PPFIA1: variants seen among roughly 807,000 people sequenced by gnomAD.
The protein encoded by PPFIA1 is PPFI scaffold protein A1.
Under a neutral mutation model 149.9 loss-of-function variants are expected in PPFIA1, and 25 were observed. The ratio of observed to expected loss-of-function variants is 0.17; its 90% CI spans 0.12 to 0.23. The LOEUF is 0.23. Among genes scored for constraint, PPFIA1 ranks in the 10% least tolerant of loss-of-function variants. The pLI is 1.00. For missense variants in PPFIA1, 1,362 were observed against 1,506.5 expected, an observed-to-expected ratio of 0.90 and a Z score of 1.59; for synonymous variants, 549 against 552.8, an observed-to-expected ratio of 0.99 and a Z score of 0.10.
chr11:70,284,518 G>C (rs1372552579), intron 2 of PPFIA1, among the ~76,000 whole-genome samples: 1 of 152,070 alleles, frequency 6.6e-6, no homozygotes, highest in Non-Finnish European at 1.5e-5. Flanking sequence ...TCTGCCTGCA[G>C]AAGACTTTCA....
At chr11:70,329,558 T>C (rs2054532546) in intron 7 of PPFIA1, among the ~76,000 whole-genome samples, 2 of 152,150 alleles carry the variant, frequency 1.3e-5, no homozygotes, top group Admixed American at 1.3e-4. Flanking sequence ...GCAATCCTCC[T>C]GTCTCAGACT....
At position 70,378,125 on chromosome 11, in the gene PPFIA1, C is replaced by G; in HGVS notation, c.3480C>G (p.Leu1160=). The change falls in exon 26 of 28, where the codon CTC becomes CTG. Residue 1160 remains leucine (L), a synonymous_variant. Transcript: ENST00000253925. ...RGLAAGSAET[L]PANFRVTSSM... ...TAGCTGCTGGGTCAGCAGAGACTCT[C>G]CCTGCAAACTTCCGGGTGACTTCTT... 6.2e-7 allele frequency: 1 copy of G among 1,614,128 alleles called. No individual in the cohort carries two copies. The highest frequency in any genetic ancestry group is 1.3e-5 in the African/African-American group (1 of 75,036).
At chr11:70,307,505 T>G (rs137901118) in intron 2 of PPFIA1, among the ~76,000 whole-genome samples, 3 of 152,270 alleles carry the variant, frequency 2.0e-5, no homozygotes, top group East Asian at 3.9e-4. Context: ...AAGGCACAAC[T>G]TTAGTTACCT....
chr11:70,304,797 G>A (rs2052739716), intron 2 of PPFIA1, among the ~76,000 whole-genome samples: 1 of 152,156 alleles, frequency 6.6e-6, no homozygotes, highest in African/African-American at 2.4e-5. Flanking sequence ...TTACACCCCC[G>A]ACATCTGGTG....
chr11:70,356,217 G>T lies in PPFIA1; in HGVS notation c.2545G>T (p.Gly849Trp), dbSNP rs541483000. The T allele has an allele frequency of 6.9e-5, 112 of 1,613,762 alleles. 1 individual carries two copies. In the South Asian group the frequency reaches 9.0e-4, roughly 13 times the overall value. The stretch of plus-strand genomic sequence containing the variant: ...GGATGCCTTGGGACTTAGCAAATTG[G>T]GGGGACAGGCTGAAAAAAATCGTAA... ...SQDALGLSKL[G>W]GQAEKNRKLQ... The change falls in exon 19 of 28, where the codon GGG becomes TGG. Residue 849 changes from glycine to tryptophan, a missense_variant. Gly to Trp is a radical substitution (Grantham distance 184). This residue lies in a region of PPFIA1 where 91 missense variants were observed against 91.2 expected (regional missense o/e 1.00). Transcript: ENST00000253925.
intron 1 of PPFIA1, among the ~76,000 whole-genome samples, chr11:70,271,585 CT>C (rs2050096576): frequency 1.3e-5 from 2 of 152,066 alleles, no homozygotes; most frequent in Non-Finnish European, 2.9e-5. Context: ...TTGGAAAACA[CT>C]TCTACCAGCG....
At chr11:70,316,203 T>C (rs55831216) in intron 2 of PPFIA1, among the ~76,000 whole-genome samples, 28,471 of 151,924 alleles carry the variant, frequency 0.19, 4,808 homozygotes, top group African/African-American at 0.46. Context: ...TCCCAAATAG[T>C]TGGGATTACA....
At chr11:70,350,066 T>A (rs2055961014) in intron 16 of PPFIA1, 1 of 409,162 alleles carries the variant, frequency 2.4e-6, no homozygotes, top group Non-Finnish European at 4.9e-6. Context: ...GTGTGTTCGA[T>A]CATGTTTGTG....
At chr11:70,297,496 G>T (rs1275028746) in intron 2 of PPFIA1, among the ~76,000 whole-genome samples, 1 of 152,202 alleles carries the variant, frequency 6.6e-6, no homozygotes, top group African/African-American at 2.4e-5. Context: ...TGTACTCAGT[G>T]TGTCCACAGT....
At chr11:70,286,353 G>A (rs1249219257) in intron 2 of PPFIA1, among the ~76,000 whole-genome samples, 1 of 152,182 alleles carries the variant, frequency 6.6e-6, no homozygotes, top group East Asian at 1.9e-4. Flanking sequence ...CCGGGTTCAA[G>A]CGATTCTCCT....
In PPFIA1 at chr11:70,362,072, T is replaced by C. The variant is rs780223181; in HGVS notation, c.2583-23T>C. ...TACCATGCCTGGCTGATTCTTTAAT[T>C]TTCAATATCTTCTCCTTTATAGGCA... On this transcript the variant is annotated intron_variant, in intron 19 of 27. Transcript: ENST00000253925. The C allele has an allele frequency of 4.3e-6, 7 of 1,610,872 alleles. No individual in the cohort carries two copies. The Admixed American group carries it at 1.2e-4, about 27-fold the overall frequency.
chr11:70,351,054 G>T, intron 16 of PPFIA1: 1 of 1,153,122 alleles, frequency 8.7e-7, no homozygotes, highest in Non-Finnish European at 1.1e-6. Context: ...ACATATCTTT[G>T]TATCTCCATA....
Position 70,348,379 on chromosome 11 carries a change from A to G in PPFIA1, c.2122A>G (p.Ser708Gly), listed in dbSNP as rs1278312890. ...CTCCACCCCACGAAGGATCCCTCAC[A>G]GCCCAGCTCGGGAAGTGGACAGACT... ...GRSTPRRIPH[S>G]PAREVDRLGV... The change falls in exon 16 of 28, where the codon AGC becomes GGC. Residue 708 changes from serine to glycine, a missense_variant. By Grantham distance (56) the Ser-to-Gly change is moderately conservative. Coordinates refer to ENST00000253925, the MANE Select transcript of PPFIA1 (RefSeq NM_003626.5). The G allele has an allele frequency of 6.8e-6, 11 of 1,613,870 alleles. No individual in the cohort carries two copies. Among genetic ancestry groups the G allele is most frequent in the Non-Finnish European group, 9.3e-6 (11 of 1,179,860 alleles).
rs750251702 is a variant in PPFIA1 at position 70,272,318 on chromosome 11, G to A, written c.146G>A (p.Arg49His). Residue 49 changes from arginine to histidine, a missense_variant, in exon 2 of 28, where the codon CGC (arginine) becomes CAC (histidine). By Grantham distance (29) the Arg-to-His change is conservative (BLOSUM62 0). Around this residue, in one of 7 missense-constraint regions of PPFIA1, gnomAD observed 100 missense variants for 106.2 expected, o/e 0.94. Coordinates refer to ENST00000253925, the MANE Select transcript of PPFIA1 (RefSeq NM_003626.5). Reference protein sequence around the residue: ...LMVSMLEERDRLLDTLRETQE... With the variant: ...LMVSMLEERDHLLDTLRETQE... ...GTCTCCATGCTAGAAGAAAGGGACC[G>A]CCTTCTTGATACACTGAGAGAGACT... The A allele has an allele frequency of 3.1e-6, 5 of 1,614,162 alleles. No individual in the cohort carries two copies. In the Admixed American group the frequency reaches 5.0e-5, roughly 16 times the overall value.
At chr11:70,307,773 T>A (rs1297680984) in intron 2 of PPFIA1, among the ~76,000 whole-genome samples, 6 of 147,300 alleles carry the variant, frequency 4.1e-5, no homozygotes, top group East Asian at 2.0e-4. Context: ...AATTTTTTTT[T>A]AAATTAGCTG....
intron 4 of PPFIA1, 74 bp downstream of exon 4, chr11:70,325,085 CTT>C: frequency 7.0e-7 from 1 of 1,430,878 alleles, no homozygotes; most frequent in Non-Finnish European, 9.3e-7. Context: ...GTTGGTGTAA[CTT>C]TTGTTTTTTG....
chr11:70,378,442 G>C, intron 26 of PPFIA1: 1 of 1,235,646 alleles, frequency 8.1e-7, no homozygotes, highest in South Asian at 2.7e-5. Context: ...AACTAATAAA[G>C]CTCAGTATTC....
Position 70,274,769 on chromosome 11 carries a change from A to C in PPFIA1, c.264+2333A>C, listed in dbSNP as rs538842051. 5.3e-5 allele frequency among the ~76,000 whole-genome samples: 8 copies of C among 151,764 alleles called. No homozygotes were observed. In the East Asian group the frequency reaches 1.6e-3, roughly 29 times the overall value. On this transcript the variant is annotated intron_variant, in intron 2 of 27. Coordinates refer to ENST00000253925, the MANE Select transcript of PPFIA1 (RefSeq NM_003626.5). ...GGTCTCACTCTGTTGCCCAGGCTGG[A>C]GTGCAGTGGCATGATCTCGGCTCAC...
rs138402193 is a variant in PPFIA1 at position 70,362,473 on chromosome 11, G to A, written c.2850G>A (p.Pro950=). 150 of 1,612,520 alleles carry A rather than the reference G, an allele frequency of 9.3e-5. 1 individual carries two copies. Among genetic ancestry groups the A allele is most frequent in the East Asian group, 2.5e-4 (11 of 44,882 alleles). ...EIMSLTSPSA[P]PTSRTTLAYG... ...TGTCGCTGACCAGCCCGTCTGCCCC[G>A]CCCACATCTAGAACGGTACGTTCAG... The change falls in exon 21 of 28, where the codon CCG becomes CCA. Residue 950 remains proline, a synonymous_variant. Coordinates refer to ENST00000253925, the MANE Select transcript of PPFIA1 (RefSeq NM_003626.5).
Sources: gnomAD v4.1 joint callset for allele counts (sites outside exome capture counted in the v4.1 genomes callset) on GRCh38, gnomAD v4.1.1 for gene constraint, gnomAD v4.1.1 regional missense constraint, MANE v1.5 for transcripts, NCBI Gene and HGNC (gene_info 2026-07-23, HGNC 2026-07-21) for gene names.